The following NRXN3 variants were observed in gnomAD, a reference collection of about 807,000 sequenced individuals.
The protein encoded by NRXN3 is neurexin III.
In NRXN3, 32 loss-of-function variants were observed where a neutral mutation model predicts 137.6. That is an observed-to-expected ratio of 0.23 (90% confidence interval 0.18 to 0.31). The LOEUF is 0.31. Ranked by LOEUF, NRXN3 falls within the 10% of genes least tolerant of loss-of-function variation. The pLI, the probability that NRXN3 is intolerant of heterozygous loss-of-function variation, is 1.00. For synonymous variants in NRXN3, 798 were observed against 784.5 expected (o/e 1.02, Z -0.29); for missense variants, 1,574 against 2,062.5 (o/e 0.76, Z 4.59).
intron 4 of NRXN3, among the ~76,000 whole-genome samples, chr14:78,492,623 CA>C (rs952854303): frequency 1.3e-5 from 2 of 152,110 alleles, no homozygotes; most frequent in Non-Finnish European, 2.9e-5. Flanking sequence ...ATTTGTACCC[CA>C]CAACCCCAGT....
chr14:79,463,291 G>C (rs574849874), intron 15 of NRXN3, among the ~76,000 whole-genome samples: 27 of 152,120 alleles, frequency 1.8e-4, no homozygotes, highest in Non-Finnish European at 3.1e-4. Flanking sequence ...TTTCACCCAG[G>C]ACTCCTTTAT....
intron 6 of NRXN3, among the ~76,000 whole-genome samples, chr14:78,671,488 A>G (rs1388542144): frequency 4.6e-5 from 7 of 152,182 alleles, no homozygotes; most frequent in African/African-American, 1.7e-4. Flanking sequence ...GGGTGATGGG[A>G]TCAATTGTAC....
At chr14:79,018,831 G>T (rs986004572) in intron 15 of NRXN3, among the ~76,000 whole-genome samples, 1 of 152,022 alleles carries the variant, frequency 6.6e-6, no homozygotes, top group Non-Finnish European at 1.5e-5. Context: ...CTAAATCAAG[G>T]CTGAAAAAGA....
intron 15 of NRXN3, among the ~76,000 whole-genome samples, chr14:79,373,939 C>T (rs1599350832): frequency 6.6e-6 from 1 of 151,894 alleles, no homozygotes; most frequent in Non-Finnish European, 1.5e-5. Context: ...GGAAGAAAAA[C>T]GTCATGTTTC....
At chr14:79,824,126 C>T (rs560186669) in intron 20 of NRXN3, among the ~76,000 whole-genome samples, 1 of 152,320 alleles carries the variant, frequency 6.6e-6, no homozygotes, top group African/African-American at 2.4e-5. Context: ...CTCATCTGTA[C>T]ATCTGCTGGT....
intron 15 of NRXN3, among the ~76,000 whole-genome samples, chr14:79,096,113 T>C (rs529394541): frequency 6.6e-6 from 1 of 151,676 alleles, no homozygotes; most frequent in East Asian, 1.9e-4. Flanking sequence ...TTCTATTCTT[T>C]TTTTTTTTTG....
chr14:79,441,426 C>A (rs978746384), intron 15 of NRXN3, among the ~76,000 whole-genome samples: 1 of 115,358 alleles, frequency 8.7e-6, no homozygotes, highest in African/African-American at 3.4e-5. Flanking sequence ...GTTGTCCAGG[C>A]TGGAGTGCAG....
At chr14:79,078,659 A>G (rs1353808353) in intron 15 of NRXN3, among the ~76,000 whole-genome samples, 3 of 152,224 alleles carry the variant, frequency 2.0e-5, no homozygotes, top group Non-Finnish European at 4.4e-5. Context: ...TGTCCCTGCC[A>G]TGTGATATAT....
chr14:78,767,110 A>T (rs529882003), intron 8 of NRXN3, among the ~76,000 whole-genome samples: 32 of 152,236 alleles, frequency 2.1e-4, no homozygotes, highest in Admixed American at 5.2e-4. Context: ...TTGCTTTAAA[A>T]CTGCACAAAG....
intron 19 of NRXN3, among the ~76,000 whole-genome samples, chr14:79,709,204 A>G (rs553740148): frequency 1.3e-5 from 2 of 152,312 alleles, no homozygotes; most frequent in South Asian, 4.1e-4. Flanking sequence ...ACTATAGAGT[A>G]TAGAGCAAGG....
At chr14:78,802,834 T>A (rs927977601) in intron 8 of NRXN3, among the ~76,000 whole-genome samples, 14 of 152,150 alleles carry the variant, frequency 9.2e-5, no homozygotes, top group African/African-American at 3.4e-4. Context: ...TAATCCCAGC[T>A]GCTCGGTAGG....
intron 16 of NRXN3, among the ~76,000 whole-genome samples, chr14:79,489,774 TCA>T (rs2096695508): frequency 6.6e-6 from 1 of 151,896 alleles, no homozygotes; most frequent in Admixed American, 6.6e-5. Context: ...GCGTGGTGGC[TCA>T]CACCTGTAGT....
At chr14:79,677,256 G>A (rs1051302212) in intron 17 of NRXN3, among the ~76,000 whole-genome samples, 1 of 151,692 alleles carries the variant, frequency 6.6e-6, no homozygotes, top group South Asian at 2.1e-4. Context: ...ATAAATAGGA[G>A]GAAGATTTCA....
At chr14:78,886,210 CTT>C (rs1567611405) in intron 10 of NRXN3, among the ~76,000 whole-genome samples, 4 of 152,142 alleles carry the variant, frequency 2.6e-5, no homozygotes. Flanking sequence ...GTGTCATATC[CTT>C]ATTACTCAGA....
chr14:78,191,369 T>A (rs1244422501), intron 1 of NRXN3, among the ~76,000 whole-genome samples: 1 of 151,922 alleles, frequency 6.6e-6, no homozygotes. Flanking sequence ...CCTTTACAAG[T>A]GTGATTTGAA....
intron 15 of NRXN3, among the ~76,000 whole-genome samples, chr14:79,425,775 T>C (rs537034382): frequency 6.6e-6 from 1 of 152,236 alleles, no homozygotes; most frequent in East Asian, 1.9e-4. Flanking sequence ...ATCAGAAGAT[T>C]GGGACTCTAA....
chr14:78,973,547 C>T lies in NRXN3; in HGVS notation c.3142+5201C>T, dbSNP rs563133662. Among the ~76,000 whole-genome samples the T allele has an allele frequency of 5.9e-5, 9 of 152,052 alleles. No individual in the cohort carries two copies. In the South Asian group the frequency reaches 8.3e-4, roughly 14 times the overall value. On this transcript the variant is annotated intron_variant, in intron 14 of 20. Transcript: ENST00000335750. ...GCACTTTAATTTCCTGTTTTGTGAT[C>T]GCAGGAAAAAAGTACTCTTGAGGAA... is the stretch of plus-strand genomic sequence containing the variant.
intron 10 of NRXN3, among the ~76,000 whole-genome samples, chr14:78,940,190 C>T (rs182834034): frequency 4.6e-5 from 7 of 152,306 alleles, no homozygotes; most frequent in Non-Finnish European, 8.8e-5. Flanking sequence ...CTTGCATGCT[C>T]TCTTAATCTC....
intron 4 of NRXN3, among the ~76,000 whole-genome samples, chr14:78,606,174 C>T (rs2097251161): frequency 6.6e-6 from 1 of 152,184 alleles, no homozygotes; most frequent in Non-Finnish European, 1.5e-5. Flanking sequence ...GCAATAACCA[C>T]ATTTTTCTAG....
Sources: allele counts gnomAD v4.1 joint callset (sites outside exome capture counted in the v4.1 genomes callset), GRCh38; gene constraint gnomAD v4.1.1; transcripts MANE v1.5; gene names NCBI Gene and HGNC (gene_info 2026-07-23, HGNC 2026-07-21).